The following KCNK2 variants were observed in gnomAD, a reference collection of about 807,000 sequenced individuals.
The protein encoded by KCNK2 is potassium channel subfamily K member 2.
Under a neutral mutation model 40.5 loss-of-function variants are expected in KCNK2, and 21 were observed. That is an observed-to-expected ratio of 0.52 (90% CI 0.37 to 0.75). The LOEUF (loss-of-function observed/expected upper bound fraction) is 0.75. KCNK2 is among the 30% of genes least tolerant of loss of function. The probability of loss-of-function intolerance (pLI) is 0.00; values close to 1 mark genes in which losing one functional copy is unlikely to be tolerated. For missense variants in KCNK2, 399 were observed against 531.6 expected (o/e 0.75, Z 2.45); for synonymous variants, 191 against 202.2 (o/e 0.94, Z 0.47).
intron 1 of KCNK2, among the ~76,000 whole-genome samples, chr1:215,084,054 A>G (rs1331109707): frequency 3.9e-5 from 6 of 152,120 alleles, no homozygotes; most frequent in African/African-American, 1.2e-4. Context: ...TAAAAATATT[A>G]TTTTGGTATT....
intron 3 of KCNK2, among the ~76,000 whole-genome samples, chr1:215,159,923 T>TA (rs1427589784): frequency 6.6e-6 from 1 of 152,142 alleles, no homozygotes; most frequent in South Asian, 2.1e-4. Flanking sequence ...ATGCATAACT[T>TA]AAACCCATTT....
intron 1 of KCNK2, among the ~76,000 whole-genome samples, chr1:215,055,403 A>T (rs1452725835): frequency 6.6e-6 from 1 of 152,226 alleles, no homozygotes; most frequent in African/African-American, 2.4e-5. Context: ...TGCACTGCTC[A>T]TTGGTTTTAA....
At chr1:215,069,739 A>C (rs1658681546) in intron 1 of KCNK2, among the ~76,000 whole-genome samples, 3 of 152,220 alleles carry the variant, frequency 2.0e-5, no homozygotes, top group Non-Finnish European at 4.4e-5. Context: ...GCCTGAATTC[A>C]AATCTAGGTA....
Position 215,007,069 on chromosome 1 carries a change from GTGTA to G in KCNK2, c.34+1116_34+1119del, listed in dbSNP as rs573064495. Among the ~76,000 whole-genome samples, 245 of 128,520 alleles carry G rather than the reference GTGTA, an allele frequency of 1.9e-3. 1 individual carries two copies. The highest frequency in any genetic ancestry group is 7.4e-3 in the African/African-American group (234 of 31,770). 84.3% of individuals were successfully genotyped at this position (128,520 alleles called of 152,430 possible). A position where few individuals can be genotyped will look rare whatever the true frequency, so the allele number is the denominator to read the frequency against. ...TGTGTGTATATATATATGTGTGTGT[GTGTA>G]TATATATATGTGTGTATATATATAT... is the stretch of plus-strand genomic sequence containing the variant. On this transcript the variant is annotated intron_variant, in intron 1 of 6. Transcript: ENST00000391895.
At position 215,194,940 on chromosome 1, in the gene KCNK2, G is replaced by T. The variant is rs759994903; in HGVS notation, c.824-13G>T. ...CTATGAAGTTATTTTGTTTTACTTTGTTTTGTCTCCAGGTGGATCCGATAT... is the reference window on the plus strand; with the variant it reads ...CTATGAAGTTATTTTGTTTTACTTTTTTTTGTCTCCAGGTGGATCCGATAT... On this transcript the variant is annotated splice_polypyrimidine_tract_variant and intron_variant, in intron 5 of 6. Transcript: ENST00000444842. The T allele has an allele frequency of 6.2e-7, 1 of 1,611,266 alleles. No individual in the cohort carries two copies. The highest frequency in any genetic ancestry group is 1.7e-5 in the Admixed American group (1 of 59,740).
intron 3 of KCNK2, among the ~76,000 whole-genome samples, chr1:215,143,271 G>A (rs1191897995): frequency 1.3e-5 from 2 of 152,084 alleles, no homozygotes; most frequent in African/African-American, 4.8e-5. Flanking sequence ...TGTATCCAAG[G>A]GAAGGCTGCC....
chr1:215,007,027 A>ATATATGTGTGTG (rs1656157008), intron 1 of KCNK2, among the ~76,000 whole-genome samples: 2 of 56,150 alleles, frequency 3.6e-5, no homozygotes, highest in Non-Finnish European at 8.3e-5. Flanking sequence ...ATATATATAT[A>ATATATGTGTGTG]TATATATATA....
At chr1:215,066,750 C>A (rs1054743887) in intron 1 of KCNK2, among the ~76,000 whole-genome samples, 1 of 152,078 alleles carries the variant, frequency 6.6e-6, no homozygotes, top group Non-Finnish European at 1.5e-5. Flanking sequence ...TCGGAATCTT[C>A]TTTTATTTTT....
intron 6 of KCNK2, among the ~76,000 whole-genome samples, chr1:215,214,752 G>A (rs1558143683): frequency 6.6e-6 from 1 of 152,132 alleles, no homozygotes; most frequent in South Asian, 2.1e-4. Context: ...CTTGAGCCCG[G>A]GAGGTCGAGG....
chr1:215,214,712 A>G (rs1350670950), intron 6 of KCNK2, among the ~76,000 whole-genome samples: 1 of 151,958 alleles, frequency 6.6e-6, no homozygotes, highest in Non-Finnish European at 1.5e-5. Context: ...TGTACCCCCA[A>G]CTACTCAGGA....
intron 1 of KCNK2, among the ~76,000 whole-genome samples, chr1:215,085,297 T>C (rs1659380539): frequency 6.6e-6 from 1 of 152,202 alleles, no homozygotes. Context: ...AAAAGTCTTA[T>C]TTTTCGGCCA....
At chr1:215,159,305 G>A (rs1040785009) in intron 3 of KCNK2, among the ~76,000 whole-genome samples, 5 of 152,102 alleles carry the variant, frequency 3.3e-5, no homozygotes, top group Admixed American at 2.0e-4. Context: ...GCACCCTTCT[G>A]TACTCCAGGG....
chr1:215,151,675 A>G (rs12757222), intron 3 of KCNK2, among the ~76,000 whole-genome samples: 32,883 of 151,792 alleles, frequency 0.22, 4,945 homozygotes, highest in Non-Finnish European at 0.33. Flanking sequence ...TATGTCATTC[A>G]TTTTGGAACT....
chr1:215,123,104 G>A (rs1357422507), intron 2 of KCNK2, among the ~76,000 whole-genome samples: 1 of 151,826 alleles, frequency 6.6e-6, no homozygotes, highest in Non-Finnish European at 1.5e-5. Flanking sequence ...CTGGGGAAAT[G>A]TTCAGAAATA....
intron 6 of KCNK2, among the ~76,000 whole-genome samples, chr1:215,226,613 C>T (rs143847462): frequency 2.6e-5 from 4 of 152,278 alleles, no homozygotes; most frequent in Admixed American, 1.3e-4. Flanking sequence ...GCATGAGCCA[C>T]CGCGCCCGGC....
chr1:215,041,340 A>T (rs1263817841), intron 1 of KCNK2, among the ~76,000 whole-genome samples: 2 of 152,212 alleles, frequency 1.3e-5, no homozygotes, highest in Non-Finnish European at 2.9e-5. Context: ...CGTAAAGTTC[A>T]TAACAGAGTG....
chr1:215,071,245 GA>G (rs1658747371), intron 1 of KCNK2, among the ~76,000 whole-genome samples: 1 of 152,178 alleles, frequency 6.6e-6, no homozygotes, highest in Non-Finnish European at 1.5e-5. Context: ...CAAGGTCTCA[GA>G]GAAGCTTGTG....
intron 1 of KCNK2, among the ~76,000 whole-genome samples, chr1:215,006,997 CTATATATATATATA>C (rs199497700): frequency 4.4e-4 from 36 of 81,700 alleles, no homozygotes; most frequent in South Asian, 1.0e-3. Flanking sequence ...GACCAATTCA[CTATATATATATATA>C]TATATATATA....
At chr1:215,190,108 TC>T (rs1171541152) in intron 5 of KCNK2, among the ~76,000 whole-genome samples, 1 of 152,258 alleles carries the variant, frequency 6.6e-6, no homozygotes, top group African/African-American at 2.4e-5. Context: ...ATATCTTTTT[TC>T]TTCCTTCCTA....
Sources: gnomAD v4.1 joint callset for allele counts (sites outside exome capture counted in the v4.1 genomes callset) on GRCh38, gnomAD v4.1.1 for gene constraint, MANE v1.5 for transcripts, NCBI Gene and HGNC (gene_info 2026-07-23, HGNC 2026-07-21) for gene names.